PTPRT: variants seen among roughly 807,000 people sequenced by gnomAD.
PTPRT encodes receptor-type tyrosine-protein phosphatase T.
In PTPRT, 56 loss-of-function variants were observed where a neutral mutation model predicts 176.8. That is an observed-to-expected ratio of 0.32 (90% CI 0.26 to 0.40). The LOEUF (loss-of-function observed/expected upper bound fraction) is 0.40. Ranked by LOEUF, PTPRT falls within the 10% of genes least tolerant of loss-of-function variation. The pLI is 1.00. For synonymous variants in PTPRT, 783 were observed against 739.0 expected, an observed-to-expected ratio of 1.06 and a Z score of -0.96; for missense variants, 1,540 against 1,908.2, an observed-to-expected ratio of 0.81 and a Z score of 3.60.
At chr20:42,806,961 A>T (rs1225660039) in intron 2 of PTPRT, among the ~76,000 whole-genome samples, 2 of 152,226 alleles carry the variant, frequency 1.3e-5, no homozygotes, top group African/African-American at 4.8e-5. Context: ...TATTCCTTCC[A>T]GCCCACCTAT....
At chr20:42,060,269 A>AG in the PTPRT span, among the ~76,000 whole-genome samples, 2 of 152,150 alleles carry the variant, frequency 1.3e-5, no homozygotes, top group Non-Finnish European at 2.9e-5. Context: ...TATCAAAAAG[A>AG]GGAGGCCAAA....
At chr20:42,688,200 C>G (rs2075731781) in intron 6 of PTPRT, 2 of 152,220 alleles carry the variant, frequency 1.3e-5, no homozygotes, top group South Asian at 4.1e-4. Flanking sequence ...GCTTCAAGGT[C>G]CTTGTAGCAT....
intron 2 of PTPRT, among the ~76,000 whole-genome samples, chr20:42,850,401 C>T (rs1428687868): frequency 6.6e-6 from 1 of 152,198 alleles, no homozygotes. Context: ...ACCGGAATAA[C>T]TAAGGAAAAT....
chr20:42,866,987 C>T lies in PTPRT; in HGVS notation c.214+18820G>A, dbSNP rs114760581. ...CCATGAAAACAGATGCTCCAAAATG[C>T]TACCTGATACTAATGTCATCACTGT... On this transcript the variant is annotated intron_variant, in intron 2 of 30. Coordinates refer to ENST00000373187, the MANE Select transcript of PTPRT (RefSeq NM_007050.6). Among the ~76,000 whole-genome samples, 1,156 of 152,322 alleles carry T rather than the reference C, an allele frequency of 7.6e-3. 12 individuals are homozygous for T. The highest frequency in any genetic ancestry group is 0.026 in the African/African-American group (1,099 of 41,576).
At chr20:42,742,212 T>C (rs1433220567) in intron 6 of PTPRT, among the ~76,000 whole-genome samples, 1 of 152,184 alleles carries the variant, frequency 6.6e-6, no homozygotes, top group Admixed American at 6.5e-5. Context: ...ACTGTTCAGC[T>C]CCCACAAAAT....
chr20:42,576,599 G>A (rs567071152), intron 7 of PTPRT, among the ~76,000 whole-genome samples: 1 of 152,262 alleles, frequency 6.6e-6, no homozygotes, highest in South Asian at 2.1e-4. Context: ...CTGCCCCAGA[G>A]TTCTCTGGAA....
chr20:42,600,861 G>A (rs946025616), intron 7 of PTPRT, among the ~76,000 whole-genome samples: 1 of 152,122 alleles, frequency 6.6e-6, no homozygotes. Context: ...CTCTGTTAAC[G>A]GACACTAAGG....
chr20:42,917,827 T>C (rs1046985790), intron 1 of PTPRT, among the ~76,000 whole-genome samples: 1 of 152,126 alleles, frequency 6.6e-6, no homozygotes, highest in Admixed American at 6.5e-5. Context: ...AGTTAGCTCT[T>C]CTCCTTCATT....
chr20:42,671,000 A>T (rs1243675438), intron 7 of PTPRT, among the ~76,000 whole-genome samples: 1 of 152,116 alleles, frequency 6.6e-6, no homozygotes, highest in Non-Finnish European at 1.5e-5. Context: ...TCTTCTATCT[A>T]ATGCTAGATG....
intron 7 of PTPRT, among the ~76,000 whole-genome samples, chr20:42,638,977 T>C (rs2074673722): frequency 1.3e-5 from 2 of 152,264 alleles, no homozygotes; most frequent in South Asian, 2.1e-4. Flanking sequence ...GAGATTGCTA[T>C]AGCACATTAA....
chr20:42,521,294 T>C (rs1431510474), intron 7 of PTPRT, among the ~76,000 whole-genome samples: 1 of 152,146 alleles, frequency 6.6e-6, no homozygotes, highest in African/African-American at 2.4e-5. Context: ...AGTTCTCCTA[T>C]CTTACAAATG....
chr20:42,767,749 T>A (rs1240176704), intron 5 of PTPRT, among the ~76,000 whole-genome samples: 1 of 146,238 alleles, frequency 6.8e-6, no homozygotes, highest in East Asian at 2.0e-4. Flanking sequence ...ATGAGTGCTA[T>A]ATAAAGATTA....
intron 6 of PTPRT, among the ~76,000 whole-genome samples, chr20:42,753,900 C>T (rs911391351): frequency 2.0e-5 from 3 of 152,184 alleles, no homozygotes; most frequent in Admixed American, 1.3e-4. Flanking sequence ...CATTTGTCTG[C>T]TCATGGGAAT....
intron 16 of PTPRT, among the ~76,000 whole-genome samples, chr20:42,188,125 G>A (rs1990852269): frequency 6.6e-6 from 1 of 152,144 alleles, no homozygotes; most frequent in African/African-American, 2.4e-5. Flanking sequence ...AGATGTAAAT[G>A]TCCCCCTCTT....
At chr20:42,182,121 T>C (rs1180196134) in intron 16 of PTPRT, among the ~76,000 whole-genome samples, 2 of 152,256 alleles carry the variant, frequency 1.3e-5, no homozygotes, top group East Asian at 3.9e-4. Flanking sequence ...TGGAGTATAT[T>C]GAGCAAGACA....
chr20:42,243,956 A>T (rs933620114), intron 14 of PTPRT, among the ~76,000 whole-genome samples: 4 of 152,230 alleles, frequency 2.6e-5, no homozygotes, highest in Non-Finnish European at 4.4e-5. Flanking sequence ...TGCCATTAGC[A>T]TATTAGTAAC....
At chr20:43,172,965 C>T (rs1328790555) in intron 1 of PTPRT, among the ~76,000 whole-genome samples, 1 of 151,702 alleles carries the variant, frequency 6.6e-6, no homozygotes, top group African/African-American at 2.4e-5. Context: ...CTCCACCTCC[C>T]GGGTTCAAGG....
At chr20:42,161,634 G>C (rs1159231330) in intron 16 of PTPRT, 92 bp from the exon 17 acceptor site, 4 of 1,312,114 alleles carry the variant, frequency 3.0e-6, no homozygotes, top group Non-Finnish European at 4.2e-6. Flanking sequence ...GAGGAGGGCA[G>C]AGGGAACCAA....
rs565338830 is a variant in PTPRT at position 42,199,435 on chromosome 20, G to A, written c.2343-47C>T. The stretch of plus-strand genomic sequence containing the variant: ...AAAAAACCACAGTCAGATGGTGCCA[G>A]TTGCATTAAAGCATTGGGTAGATTG... On this transcript the variant is annotated intron_variant, in intron 15 of 30. Coordinates refer to ENST00000373187, the MANE Select transcript of PTPRT (RefSeq NM_007050.6). 2.8e-4 allele frequency: 445 copies of A among 1,596,100 alleles called. 7 individuals are homozygous for A. In the South Asian group the frequency reaches 4.6e-3, roughly 17 times the overall value.
Sources: allele counts gnomAD v4.1 joint callset (sites outside exome capture counted in the v4.1 genomes callset), GRCh38; gene constraint gnomAD v4.1.1; transcripts MANE v1.5; gene names NCBI Gene and HGNC (gene_info 2026-07-23, HGNC 2026-07-21).